The following IRAG1 variants were observed in gnomAD, a reference collection of about 807,000 sequenced individuals.
IRAG1 encodes the protein IP3R-associated cGMP kinase substrate.
IRAG1 carries 62 observed loss-of-function variants against 106.2 expected under a neutral mutation model. The observed-to-expected ratio is 0.58, with a 90% CI of 0.48 to 0.72. IRAG1 has a LOEUF of 0.72. Ranked by LOEUF, IRAG1 falls within the 30% of genes least tolerant of loss-of-function variation. The pLI, the probability that IRAG1 is intolerant of heterozygous loss-of-function variation, is 0.00. For synonymous variants in IRAG1, 462 were observed against 443.9 expected (o/e 1.04, Z -0.51); for missense variants, 1,064 against 1,140.7 (o/e 0.93, Z 0.97).
intron 1 of IRAG1, among the ~76,000 whole-genome samples, chr11:10,670,984 T>C (rs1201077650): frequency 6.6e-6 from 1 of 152,230 alleles, no homozygotes; most frequent in Non-Finnish European, 1.5e-5. Flanking sequence ...GACAATCTAA[T>C]ATAGCTATTG....
intron 1 of IRAG1, among the ~76,000 whole-genome samples, chr11:10,664,424 T>C (rs1031479170): frequency 6.6e-6 from 1 of 152,158 alleles, no homozygotes; most frequent in African/African-American, 2.4e-5. Context: ...AGGATTGAGA[T>C]AGGGGTTCAG....
intron 1 of IRAG1, among the ~76,000 whole-genome samples, chr11:10,667,777 T>G (rs946292673): frequency 6.6e-6 from 1 of 152,178 alleles, no homozygotes; most frequent in African/African-American, 2.4e-5. Flanking sequence ...AGGTGCTTGA[T>G]AAAATGAAGA....
chr11:10,591,945 C>G (rs959186709), intron 17 of IRAG1, among the ~76,000 whole-genome samples: 3 of 152,164 alleles, frequency 2.0e-5, no homozygotes, highest in African/African-American at 7.2e-5. Context: ...GACTGAACAC[C>G]AGTGGGCCTC....
intron 1 of IRAG1, among the ~76,000 whole-genome samples, chr11:10,685,713 C>A (rs1411868843): frequency 5.8e-5 from 8 of 138,308 alleles, no homozygotes; most frequent in Admixed American, 8.0e-5. Context: ...CAGAGTGAGA[C>A]CCTGCCTCTC....
intron 10 of IRAG1, among the ~76,000 whole-genome samples, chr11:10,622,866 G>A (rs148259460): frequency 1.9e-5 from 1 of 52,796 alleles, no homozygotes; most frequent in Non-Finnish European, 4.1e-5. Flanking sequence ...AGGCATTGTT[G>A]TAAGCAGTGG....
At chr11:10,611,300 T>A (rs541827693) in intron 10 of IRAG1, among the ~76,000 whole-genome samples, 1 of 152,268 alleles carries the variant, frequency 6.6e-6, no homozygotes, top group South Asian at 2.1e-4. Context: ...TATTTATAGC[T>A]CTCTGACAAG....
chr11:10,612,084 A>C (rs11828221), intron 10 of IRAG1, among the ~76,000 whole-genome samples: 7,569 of 152,282 alleles, frequency 0.05, 417 homozygotes, highest in African/African-American at 0.14. Flanking sequence ...AGTGAATGGC[A>C]GGAGACACAT....
At chr11:10,620,647 T>G (rs1344817167) in intron 10 of IRAG1, among the ~76,000 whole-genome samples, 1 of 152,214 alleles carries the variant, frequency 6.6e-6, no homozygotes, top group Non-Finnish European at 1.5e-5. Flanking sequence ...TTATTCTTAC[T>G]ATATTCTGAA....
intron 18 of IRAG1, among the ~76,000 whole-genome samples, chr11:10,589,556 C>A (rs961465486): frequency 8.5e-5 from 13 of 152,076 alleles, no homozygotes; most frequent in African/African-American, 3.1e-4. Flanking sequence ...TGTGAGCCAC[C>A]GTGCCTGGCC....
rs185647729 is a variant in IRAG1, at chr11:10,580,521, C to T, written c.2429G>A (p.Ser810Asn). 3.2e-4 allele frequency: 517 copies of T among 1,613,966 alleles called. No homozygotes were observed. Among genetic ancestry groups the T allele is most frequent in the Non-Finnish European group, 4.2e-4 (497 of 1,179,870 alleles). The stretch of plus-strand genomic sequence containing the variant: ...CTCTTCAGGTTCCTCAGGACTCTCA[C>T]TCTTCTGTTCTTCCTCCTCCTCCTT... The part of the protein sequence containing the change: ...DLKEEEEEQK[S>N]ESPEEPEEVE... Residue 810 changes from serine to asparagine, a missense_variant, in exon 20 of 21, where the codon AGT (serine) becomes AAT (asparagine). Coordinates refer to ENST00000423302, the MANE Select transcript of IRAG1 (RefSeq NM_130385.4).
chr11:10,623,597 T>A (rs566023802), intron 10 of IRAG1, among the ~76,000 whole-genome samples, 181 bp downstream of exon 10: 2 of 151,990 alleles, frequency 1.3e-5, no homozygotes, highest in African/African-American at 4.8e-5. Context: ...TGGGGGCTGG[T>A]TGGAAGGAGG....
chr11:10,618,776 G>C (rs1003815790), intron 10 of IRAG1, among the ~76,000 whole-genome samples: 1 of 152,226 alleles, frequency 6.6e-6, no homozygotes, highest in African/African-American at 2.4e-5. Flanking sequence ...GTGAGAGTGA[G>C]TGTGGCCCTA....
At position 10,623,873 on chromosome 11, in the gene IRAG1, A is replaced by G. The variant is rs1564913008; in HGVS notation, c.1369-17T>C. 6.2e-7 allele frequency: 1 copy of G among 1,608,984 alleles called. No individual in the cohort carries two copies. Among genetic ancestry groups the G allele is most frequent in the Non-Finnish European group, 8.5e-7 (1 of 1,175,320 alleles). On this transcript the variant is annotated splice_polypyrimidine_tract_variant and intron_variant, in intron 9 of 20. Transcript: ENST00000423302. ...GATGTGCTCCTTTGTGGTAAAAGAA[A>G]GAGATAACAATTTCAGATGATGACA...
At chr11:10,683,167 C>T (rs2135222867) in intron 1 of IRAG1, among the ~76,000 whole-genome samples, 1 of 152,146 alleles carries the variant, frequency 6.6e-6, no homozygotes, top group Non-Finnish European at 1.5e-5. Flanking sequence ...CAGTTATATC[C>T]AGTTTGTGAG....
chr11:10,622,630 G>A (rs778363009), intron 10 of IRAG1, among the ~76,000 whole-genome samples: 8 of 151,858 alleles, frequency 5.3e-5, no homozygotes, highest in Non-Finnish European at 1.0e-4. Context: ...TCAGCCTCCC[G>A]GGTAGCTGGG....
chr11:10,593,478 A>G lies in IRAG1; in HGVS notation c.2175+14T>C. The G allele has an allele frequency of 6.2e-7, 1 of 1,605,870 alleles. No homozygotes were observed. Among genetic ancestry groups the G allele is most frequent in the Non-Finnish European group, 8.5e-7 (1 of 1,172,680 alleles). ...TACTATTCTGTGCTGGGAGGCAGAC[A>G]TCGTCATACTTACCAAGGCTGGTAA... On this transcript the variant is annotated intron_variant, in intron 17 of 20. Transcript: ENST00000423302.
At chr11:10,630,249 C>G (rs1856585012) in intron 4 of IRAG1, among the ~76,000 whole-genome samples, 4 of 152,156 alleles carry the variant, frequency 2.6e-5, no homozygotes, top group African/African-American at 9.7e-5. Context: ...AGGAGTCACT[C>G]CCCACTTCTC....
At chr11:10,630,479 C>G (rs111930807) in intron 4 of IRAG1, among the ~76,000 whole-genome samples, 176 of 151,914 alleles carry the variant, frequency 1.2e-3, no homozygotes, top group African/African-American at 4.1e-3. Context: ...TCAAGTGATT[C>G]TCCTGCCTCA....
chr11:10,687,284 C>T (rs577454999), intron 1 of IRAG1, among the ~76,000 whole-genome samples: 100 of 152,336 alleles, frequency 6.6e-4, no homozygotes, highest in African/African-American at 2.3e-3. Context: ...CACGCTCTTC[C>T]ACACCAAGAG....
Sources: gnomAD v4.1 joint callset for allele counts (sites outside exome capture counted in the v4.1 genomes callset) on GRCh38, gnomAD v4.1.1 for gene constraint, MANE v1.5 for transcripts, NCBI Gene and HGNC (gene_info 2026-07-23, HGNC 2026-07-21) for gene names.